Variants in CACNA1E observed in about 807,000 individuals in gnomAD.
The protein encoded by CACNA1E is voltage-dependent R-type calcium channel subunit alpha-1E.
In CACNA1E, 40 loss-of-function variants were observed where a neutral mutation model predicts 259.2. That is an observed-to-expected ratio of 0.15 (90% CI 0.12 to 0.20). The LOEUF (loss-of-function observed/expected upper bound fraction) is 0.20. Ranked by LOEUF, CACNA1E falls within the 10% of genes least tolerant of loss-of-function variation. The probability of loss-of-function intolerance (pLI) is 1.00; values close to 1 mark genes in which losing one functional copy is unlikely to be tolerated. For missense variants in CACNA1E, 1,874 were observed against 3,040.1 expected (o/e 0.62, Z 9.02); for synonymous variants, 1,104 against 1,138.5 (o/e 0.97, Z 0.61).
rs1259541831 is a variant in CACNA1E, at chr1:181,724,545, T to C, written c.2142+8T>C. 6.2e-7 allele frequency: 1 copy of C among 1,608,288 alleles called. No individual in the cohort carries two copies. Among genetic ancestry groups the C allele is most frequent in the Non-Finnish European group, 8.5e-7 (1 of 1,176,650 alleles). On this transcript the variant is annotated splice_region_variant and intron_variant, in intron 17 of 47. Coordinates refer to ENST00000367573, the MANE Select transcript of CACNA1E (RefSeq NM_001205293.3). ...GCCCAGGAACTGACCAAGGTAAGCA[T>C]TGTTTTCTGGGGATCTGATGTTTCT...
chr1:181,721,561 C>T (rs937577693), intron 15 of CACNA1E, among the ~76,000 whole-genome samples, 197 bp from the exon 16 acceptor site: 4 of 151,984 alleles, frequency 2.6e-5, no homozygotes, highest in Non-Finnish European at 4.4e-5. Context: ...ATTTTCAATG[C>T]CTAAAATTCT....
At chr1:181,678,735 C>T (rs1649628917) in intron 7 of CACNA1E, among the ~76,000 whole-genome samples, 1 of 152,162 alleles carries the variant, frequency 6.6e-6, no homozygotes, top group South Asian at 2.1e-4. Flanking sequence ...GCTGTGTCAC[C>T]TTGGGCACAT....
chr1:181,486,007 G>A (rs112185532), intron 1 of CACNA1E, among the ~76,000 whole-genome samples: 5,545 of 152,354 alleles, frequency 0.036, 339 homozygotes, highest in African/African-American at 0.13. Context: ...GCCGGGCCCA[G>A]CCTTGGAGCT....
At chr1:181,687,230 C>T (rs1650672698) in intron 7 of CACNA1E, among the ~76,000 whole-genome samples, 1 of 152,084 alleles carries the variant, frequency 6.6e-6, no homozygotes. Flanking sequence ...CAGTTTCCCA[C>T]CAAAAGTCTT....
intron 3 of CACNA1E, among the ~76,000 whole-genome samples, chr1:181,523,778 T>C (rs937067183): frequency 1.3e-5 from 2 of 152,220 alleles, no homozygotes; most frequent in Non-Finnish European, 2.9e-5. Flanking sequence ...AAGAAGGAGA[T>C]GAGGCCCAGA....
At chr1:181,408,518 C>G (rs959350466) in intron 1 of CACNA1E, among the ~76,000 whole-genome samples, 1 of 152,122 alleles carries the variant, frequency 6.6e-6, no homozygotes, top group African/African-American at 2.4e-5. Context: ...ACAGGGAAGA[C>G]AATTTCAGAA....
chr1:181,769,881 A>G (rs1034715445), intron 35 of CACNA1E, among the ~76,000 whole-genome samples: 2 of 152,098 alleles, frequency 1.3e-5, no homozygotes, highest in East Asian at 3.9e-4. Flanking sequence ...TGGGGTATCC[A>G]GAGTTAATTA....
intron 8 of CACNA1E, 77 bp from the exon 9 acceptor site, chr1:181,715,261 T>G: frequency 1.2e-6 from 1 of 860,520 alleles, no homozygotes; most frequent in East Asian, 2.6e-5. Context: ...GAGCTGAAGT[T>G]GTCCCTGAGG....
At chr1:181,580,199 C>G (rs1036508683) in intron 5 of CACNA1E, among the ~76,000 whole-genome samples, 26 of 152,204 alleles carry the variant, frequency 1.7e-4, no homozygotes, top group African/African-American at 6.0e-4. Flanking sequence ...TAGTTTATAA[C>G]TGTCCCCAAG....
chr1:181,447,362 A>T (rs1470351625), intron 2 of CACNA1E, among the ~76,000 whole-genome samples: 1 of 147,162 alleles, frequency 6.8e-6, no homozygotes, highest in East Asian at 2.0e-4. Flanking sequence ...CTCATCTCTA[A>T]AAAAAAAAAA....
intron 1 of CACNA1E, among the ~76,000 whole-genome samples, chr1:181,337,466 G>A (rs12141165): frequency 0.26 from 39,861 of 151,918 alleles, 5,388 homozygotes; most frequent in Non-Finnish European, 0.29. Context: ...CTGTAGATGT[G>A]TTCATCCTAT....
intron 2 of CACNA1E, among the ~76,000 whole-genome samples, chr1:181,443,977 G>A (rs1330113348): frequency 6.6e-6 from 1 of 152,184 alleles, no homozygotes; most frequent in Non-Finnish European, 1.5e-5. Flanking sequence ...AAGACATTTT[G>A]CATTAAACAT....
At chr1:181,457,827 GTAAC>G (rs1661556889) in intron 2 of CACNA1E, among the ~76,000 whole-genome samples, 1 of 152,384 alleles carries the variant, frequency 6.6e-6, no homozygotes, top group South Asian at 2.1e-4. Flanking sequence ...GACAAAAAGA[GTAAC>G]TGGTGATATT....
intron 25 of CACNA1E, among the ~76,000 whole-genome samples, chr1:181,743,488 G>T (rs1470507994): frequency 6.6e-6 from 1 of 152,192 alleles, no homozygotes; most frequent in Non-Finnish European, 1.5e-5. Context: ...CCTGCTTTGG[G>T]GGACCCTGCT....
chr1:181,448,485 A>AT (rs1413819995), intron 2 of CACNA1E, among the ~76,000 whole-genome samples: 1 of 152,102 alleles, frequency 6.6e-6, no homozygotes, highest in Non-Finnish European at 1.5e-5. Flanking sequence ...ACCACATCAT[A>AT]TTTTTTCTCC....
chr1:181,365,070 C>A (rs1654168078), intron 1 of CACNA1E, among the ~76,000 whole-genome samples: 1 of 152,186 alleles, frequency 6.6e-6, no homozygotes, highest in Admixed American at 6.5e-5. Context: ...TGAGCACGTG[C>A]TTTGGGAGGT....
At chr1:181,337,410 C>G (rs1032319083) in intron 1 of CACNA1E, among the ~76,000 whole-genome samples, 1 of 152,110 alleles carries the variant, frequency 6.6e-6, no homozygotes, top group Non-Finnish European at 1.5e-5. Context: ...TTTCAGTGTA[C>G]TATACAATAT....
intron 7 of CACNA1E, among the ~76,000 whole-genome samples, chr1:181,655,650 G>A (rs1353632266): frequency 6.6e-6 from 1 of 152,120 alleles, no homozygotes; most frequent in Non-Finnish European, 1.5e-5. Context: ...TGGAAACAAG[G>A]GATTCGATGG....
At chr1:181,571,102 A>G (rs1413238572) in intron 3 of CACNA1E, among the ~76,000 whole-genome samples, 1 of 151,992 alleles carries the variant, frequency 6.6e-6, no homozygotes, top group African/African-American at 2.4e-5. Flanking sequence ...TGCTATGTGC[A>G]GAACTTTACA....
Sources: allele counts gnomAD v4.1 joint callset (sites outside exome capture counted in the v4.1 genomes callset), GRCh38; gene constraint gnomAD v4.1.1; transcripts MANE v1.5; gene names NCBI Gene and HGNC (gene_info 2026-07-23, HGNC 2026-07-21).